LCORL: variants seen among roughly 807,000 people sequenced by gnomAD.
The protein encoded by LCORL is ligand dependent nuclear receptor corepressor like.
A neutral mutation model predicts 141.8 loss-of-function variants in LCORL; 41 were observed. The ratio of observed to expected loss-of-function variants is 0.29; its 90% CI spans 0.23 to 0.38. The LOEUF is 0.38. Ranked by LOEUF, LCORL falls within the 10% of genes least tolerant of loss-of-function variation. The pLI is 1.00. For synonymous variants in LCORL, 618 were observed against 694.1 expected (o/e 0.89, Z 1.72); for missense variants, 1,759 against 2,035.0 (o/e 0.86, Z 2.61).
intron 1 of LCORL, among the ~76,000 whole-genome samples, chr4:17,999,046 A>G (rs1237601280): frequency 6.8e-6 from 1 of 146,088 alleles, no homozygotes; most frequent in Non-Finnish European, 1.5e-5. Flanking sequence ...GTAAATACAT[A>G]AACTAGTAAC....
chr4:18,020,789 A>C (rs1725394467), intron 1 of LCORL: 2 of 152,258 alleles, frequency 1.3e-5, no homozygotes, highest in Middle Eastern at 6.8e-3. Context: ...AGTCCATCAC[A>C]TGACAGTGAA....
intron 4 of LCORL, among the ~76,000 whole-genome samples, chr4:17,937,197 T>G (rs1316017733): frequency 6.6e-6 from 1 of 152,144 alleles, no homozygotes; most frequent in Non-Finnish European, 1.5e-5. Flanking sequence ...ATTTCCAAGT[T>G]TTCTGAAAAA....
At chr4:17,990,864 C>CAAA (rs2109775642) in intron 1 of LCORL, among the ~76,000 whole-genome samples, 1 of 152,076 alleles carries the variant, frequency 6.6e-6, no homozygotes, top group African/African-American at 2.4e-5. Context: ...TGGCTTTTAG[C>CAAA]ACACTCATGC....
intron 5 of LCORL, among the ~76,000 whole-genome samples, chr4:17,890,214 C>A (rs1728880864): frequency 6.6e-6 from 1 of 152,012 alleles, no homozygotes; most frequent in Non-Finnish European, 1.5e-5. Context: ...ATAGATATTA[C>A]CAAATTTATT....
At chr4:17,942,849 A>T (rs1401279980) in intron 4 of LCORL, among the ~76,000 whole-genome samples, 1 of 150,696 alleles carries the variant, frequency 6.6e-6, no homozygotes, top group East Asian at 1.9e-4. Flanking sequence ...GCAGGAGGTG[A>T]GCAGCCAGCA....
At chr4:17,879,928 A>T (rs1488579399) in intron 6 of LCORL, among the ~76,000 whole-genome samples, 1 of 151,092 alleles carries the variant, frequency 6.6e-6, no homozygotes, top group African/African-American at 2.4e-5. Context: ...TATGTGGTAC[A>T]AGTAATCAAA....
intron 2 of LCORL, among the ~76,000 whole-genome samples, chr4:17,966,951 G>T (rs1190204505): frequency 6.6e-6 from 1 of 152,042 alleles, no homozygotes; most frequent in African/African-American, 2.4e-5. Context: ...GAAAAAATTT[G>T]TCCACAAAAA....
At chr4:17,886,794 T>C (rs1577330098) in intron 5 of LCORL, among the ~76,000 whole-genome samples, 1 of 152,170 alleles carries the variant, frequency 6.6e-6, no homozygotes, top group South Asian at 2.1e-4. Context: ...AATAATGTTA[T>C]AAAATAACTG....
intron 1 of LCORL, among the ~76,000 whole-genome samples, chr4:18,004,156 G>C (rs922594513): frequency 6.6e-6 from 1 of 152,148 alleles, no homozygotes; most frequent in Non-Finnish European, 1.5e-5. Context: ...CTAGCAAATA[G>C]CAATGTGTTG....
At chr4:17,863,959 G>C (rs754091420) in intron 7 of LCORL, among the ~76,000 whole-genome samples, 7 of 152,010 alleles carry the variant, frequency 4.6e-5, no homozygotes, top group Admixed American at 2.6e-4. Flanking sequence ...AGTACACATC[G>C]ACCAAAGAAG....
exon 7 of LCORL, chr4:17,876,697 C>T (rs1726959977): frequency 1.6e-6 from 2 of 1,230,692 alleles, no homozygotes; most frequent in African/African-American, 3.1e-5. Flanking sequence ...AGTCCAGAAA[C>T]ATCATTTCTC....
At chr4:17,965,030 G>A (rs1427669713) in intron 2 of LCORL, among the ~76,000 whole-genome samples, 1 of 151,982 alleles carries the variant, frequency 6.6e-6, no homozygotes, top group Non-Finnish European at 1.5e-5. Context: ...TAAGACAATT[G>A]CCAGTTGTAA....
chr4:17,911,016 G>C (rs2109333540), intron 4 of LCORL, among the ~76,000 whole-genome samples: 1 of 152,258 alleles, frequency 6.6e-6, no homozygotes, highest in African/African-American at 2.4e-5. Flanking sequence ...TGGGATCTTA[G>C]CCATCTTTAT....
exon 7 of LCORL, chr4:17,875,492 A>G (rs573429990): frequency 2.8e-5 from 35 of 1,231,258 alleles, no homozygotes; most frequent in Admixed American, 8.5e-5. Context: ...TTAAAGACAT[A>G]AGGTTGCTTA....
Position 17,884,447 on chromosome 4 carries a change from T to C in LCORL, c.776+1621A>G, listed in dbSNP as rs1225885867. On this transcript the variant is annotated intron_variant, in intron 6 of 7. Coordinates refer to ENST00000635767, the Ensembl canonical transcript of LCORL. This position sits in a 1 kb window ranked among gnomAD's most constrained non-coding sequence, Gnocchi z 4.4. The stretch of plus-strand genomic sequence containing the variant: ...TTCAAGTAGATTGAGTTTACTTTTT[T>C]CTGTGCGCTCTGCTTGAGCTCTTGC... The C allele has an allele frequency of 6.5e-7, 1 of 1,549,980 alleles. No individual in the cohort carries two copies. The highest frequency in any genetic ancestry group is 2.4e-5 in the East Asian group (1 of 40,912).
intron 3 of LCORL, 65 bp downstream of exon 3, chr4:17,962,905 T>TAAA: frequency 1.0e-5 from 8 of 774,122 alleles, no homozygotes; most frequent in South Asian, 3.2e-5. Flanking sequence ...CAAATTAAGA[T>TAAA]AAAAAAAAAA....
intron 4 of LCORL, among the ~76,000 whole-genome samples, chr4:17,941,432 C>T (rs1737941725): frequency 6.6e-6 from 1 of 151,690 alleles, no homozygotes; most frequent in South Asian, 2.1e-4. Context: ...GCATTTCAGT[C>T]TGGGCAACAG....
intron 5 of LCORL, among the ~76,000 whole-genome samples, chr4:17,895,876 T>G (rs996969819): frequency 6.6e-6 from 1 of 152,230 alleles, no homozygotes; most frequent in African/African-American, 2.4e-5. Flanking sequence ...GCATCAGTAC[T>G]CCTTTCTATT....
chr4:18,020,961 G>T (rs539273305), intron 1 of LCORL, among the ~76,000 whole-genome samples: 1 of 152,160 alleles, frequency 6.6e-6, no homozygotes, highest in Non-Finnish European at 1.5e-5. Flanking sequence ...TACACACAGC[G>T]CCGCCGCCGA....
Sources: gnomAD v4.1 joint callset for allele counts (sites outside exome capture counted in the v4.1 genomes callset) on GRCh38, gnomAD v4.1.1 for gene constraint, Gnocchi (gnomAD v3.1) non-coding constraint, MANE v1.5 for transcripts, NCBI Gene and HGNC (gene_info 2026-07-23, HGNC 2026-07-21) for gene names.